GIGYF2: variants seen among roughly 807,000 people sequenced by gnomAD.
GIGYF2 encodes GRB10-interacting GYF protein 2.
In GIGYF2, 25 loss-of-function variants were observed where a neutral mutation model predicts 208.1. The observed-to-expected ratio is 0.12, with a 90% CI of 0.09 to 0.17. The LOEUF (loss-of-function observed/expected upper bound fraction) is 0.17, where lower values mean the gene tolerates loss of function less well. GIGYF2 is among the 10% of genes least tolerant of loss of function. GIGYF2 has a pLI of 1.00. For synonymous variants in GIGYF2, 534 were observed against 543.8 expected, an observed-to-expected ratio of 0.98 and a Z score of 0.25; for missense variants, 1,302 against 1,579.4, an observed-to-expected ratio of 0.82 and a Z score of 2.98.
chr2:232,832,860 G>A lies in GIGYF2; in HGVS notation c.2533G>A (p.Glu845Lys), dbSNP rs1156266424. 6.4e-7 allele frequency: 1 copy of A among 1,551,150 alleles called. No individual in the cohort carries two copies. The highest frequency in any genetic ancestry group is 8.7e-7 in the Non-Finnish European group (1 of 1,146,402). Reference protein sequence around the residue: ...KQEELLRKQEEEAAKWAREEE... With the variant: ...KQEELLRKQEKEAAKWAREEE... ...TTTAATTTTTCCTTCTGGAAAGGAAGAGGAGGCTGCAAAATGGGCCCGGGA... is the reference window on the plus strand; with the variant it reads ...TTTAATTTTTCCTTCTGGAAAGGAAAAGGAGGCTGCAAAATGGGCCCGGGA... Residue 845 changes from glutamate (E) to lysine (K), a missense_variant, in exon 22 of 29, where the codon GAG (glutamate) becomes AAG (lysine). Glu to Lys is a moderately conservative substitution (Grantham distance 56, BLOSUM62 1). Around this residue, in one of 8 missense-constraint regions of GIGYF2, gnomAD observed 701 missense variants for 793.0 expected, o/e 0.88. Transcript: ENST00000373563.
intron 1 of GIGYF2, among the ~76,000 whole-genome samples, chr2:232,698,826 A>G (rs1427933485): frequency 6.6e-6 from 1 of 152,238 alleles, no homozygotes; most frequent in Non-Finnish European, 1.5e-5. Context: ...AGAGGGCTTC[A>G]TGACTTTTTG....
At chr2:232,834,646 C>G (rs904533630) in intron 22 of GIGYF2, among the ~76,000 whole-genome samples, 3 of 152,128 alleles carry the variant, frequency 2.0e-5, no homozygotes, top group Non-Finnish European at 4.4e-5. Context: ...GTTCCTTTCT[C>G]TCTCTCCTTC....
chr2:232,709,026 G>A (rs538855795), intron 2 of GIGYF2, among the ~76,000 whole-genome samples: 30 of 152,108 alleles, frequency 2.0e-4, no homozygotes, highest in African/African-American at 6.7e-4. Flanking sequence ...GGAGGCTGTG[G>A]CATCAGAATC....
At chr2:232,779,126 C>G (rs1387046404) in intron 8 of GIGYF2, among the ~76,000 whole-genome samples, 1 of 152,120 alleles carries the variant, frequency 6.6e-6, no homozygotes, top group Non-Finnish European at 1.5e-5. Context: ...GCCACCTTCA[C>G]CCAGAAACTC....
rs1297445750 is a variant in GIGYF2, at chr2:232,779,471, A to G, written c.533-7679A>G. Among the ~76,000 whole-genome samples the G allele has an allele frequency of 1.3e-5, 2 of 152,182 alleles. 1 individual carries two copies. Among genetic ancestry groups the G allele is most frequent in the South Asian group, 4.1e-4 (2 of 4,822 alleles). On this transcript the variant is annotated intron_variant, in intron 8 of 28. Transcript: ENST00000373563. Reference sequence around the variant, plus strand: ...TGGAGTGCGATTTCTGGCCTATGTAAGTAGGTAATCTCACAGCTTTAAAAC... The same window carrying G: ...TGGAGTGCGATTTCTGGCCTATGTAGGTAGGTAATCTCACAGCTTTAAAAC...
Position 232,817,485 on chromosome 2 carries a change from G to C in GIGYF2, c.2370+453G>C, listed in dbSNP as rs771324672. Among the ~76,000 whole-genome samples the C allele has an allele frequency of 6.6e-5, 10 of 152,232 alleles. No homozygotes were observed. The South Asian group carries it at 2.1e-3, about 32-fold the overall frequency. ...CTGTGCAACCCTCACAAACATGTCTGTAGAACTTCTCCAACTTTGCAAACT... is the reference window on the plus strand; with the variant it reads ...CTGTGCAACCCTCACAAACATGTCTCTAGAACTTCTCCAACTTTGCAAACT... On this transcript the variant is annotated intron_variant, in intron 20 of 28. Transcript: ENST00000373563.
At chr2:232,727,346 T>G (rs1559386174) in intron 2 of GIGYF2, among the ~76,000 whole-genome samples, 1 of 152,104 alleles carries the variant, frequency 6.6e-6, no homozygotes, top group Non-Finnish European at 1.5e-5. Flanking sequence ...ATTGAGAGAA[T>G]TGCCTGTCTC....
chr2:232,816,145 A>G (rs1167845017), intron 19 of GIGYF2, among the ~76,000 whole-genome samples: 1 of 152,172 alleles, frequency 6.6e-6, no homozygotes, highest in African/African-American at 2.4e-5. Flanking sequence ...GTATCCTCAG[A>G]CGTAGCAGCC....
At position 232,794,748 on chromosome 2, in the gene GIGYF2, A is replaced by G. The variant is rs759527420; in HGVS notation, c.1283A>G (p.Glu428Gly). ...LPAKVPSRGD[E>G]MVADVQQPLS... ...TTTTCATCTGATTTTTTCCCCCTAG[A>G]AATGGTTGCTGATGTCCAGCAGCCC... The change falls in exon 13 of 29, where the codon GAA becomes GGA. Residue 428 changes from glutamate (E) to glycine (G), a missense_variant and splice_region_variant. Transcript: ENST00000373563. 2 of 1,611,278 alleles carry G rather than the reference A, an allele frequency of 1.2e-6. No individual in the cohort carries two copies. Among genetic ancestry groups the G allele is most frequent in the Non-Finnish European group, 1.7e-6 (2 of 1,177,564 alleles).
chr2:232,813,684 C>T (rs929831847), intron 18 of GIGYF2, among the ~76,000 whole-genome samples: 4 of 152,054 alleles, frequency 2.6e-5, no homozygotes, highest in Non-Finnish European at 5.9e-5. Context: ...ACACTGACCC[C>T]GCAGATTATT....
At chr2:232,836,852 T>G (rs1423498002) in intron 22 of GIGYF2, among the ~76,000 whole-genome samples, 2 of 152,202 alleles carry the variant, frequency 1.3e-5, no homozygotes, top group Admixed American at 6.5e-5. Flanking sequence ...ATCCACTGTC[T>G]GTTGCAAATA....
At chr2:232,817,377 A>G (rs1222970843) in intron 20 of GIGYF2, among the ~76,000 whole-genome samples, 2 of 152,236 alleles carry the variant, frequency 1.3e-5, no homozygotes, top group Non-Finnish European at 2.9e-5. Context: ...GGGCTTTAAA[A>G]AAATTGTGCT....
At chr2:232,758,452 A>G (rs1026589681) in intron 6 of GIGYF2, among the ~76,000 whole-genome samples, 3 of 152,234 alleles carry the variant, frequency 2.0e-5, no homozygotes, top group African/African-American at 4.8e-5. Flanking sequence ...TTAATTCCCA[A>G]AAAGAATAGG....
intron 8 of GIGYF2, among the ~76,000 whole-genome samples, chr2:232,762,688 A>G (rs949755809): frequency 2.0e-5 from 3 of 152,310 alleles, no homozygotes; most frequent in East Asian, 3.9e-4. Flanking sequence ...AAAGATATCA[A>G]TAATTAAAAT....
chr2:232,755,730 A>G (rs1258234483), intron 5 of GIGYF2, among the ~76,000 whole-genome samples: 6 of 152,160 alleles, frequency 3.9e-5, no homozygotes, highest in African/African-American at 1.4e-4. Flanking sequence ...GATTCCTGTC[A>G]TTCTGTTGAA....
chr2:232,704,926 C>G (rs2106245206), intron 2 of GIGYF2, among the ~76,000 whole-genome samples: 1 of 140,346 alleles, frequency 7.1e-6, no homozygotes, highest in Admixed American at 7.7e-5. Context: ...GTGGCGCGAT[C>G]TCTGCTCACT....
At chr2:232,776,782 C>G (rs1330357567) in intron 8 of GIGYF2, 3 of 304,778 alleles carry the variant, frequency 9.8e-6, no homozygotes, top group Non-Finnish European at 1.2e-5. Flanking sequence ...TGCATTTTTT[C>G]CCTCTAATCA....
intron 8 of GIGYF2, among the ~76,000 whole-genome samples, chr2:232,773,687 A>T (rs1031170488): frequency 6.6e-6 from 1 of 152,090 alleles, no homozygotes; most frequent in African/African-American, 2.4e-5. Flanking sequence ...TAGCTAATAT[A>T]TATATTGTTT....
chr2:232,798,468 T>C (rs927310279), intron 14 of GIGYF2, among the ~76,000 whole-genome samples: 2 of 152,218 alleles, frequency 1.3e-5, no homozygotes, highest in Non-Finnish European at 2.9e-5. Flanking sequence ...CTATGCTTAG[T>C]TTTAAAAGAA....
Sources: allele counts gnomAD v4.1 joint callset (sites outside exome capture counted in the v4.1 genomes callset), GRCh38; gene constraint gnomAD v4.1.1; regional missense constraint gnomAD v4.1.1; transcripts MANE v1.5; gene names NCBI Gene and HGNC (gene_info 2026-07-23, HGNC 2026-07-21).